The following CCDC144A variants were observed in gnomAD, a reference collection of about 807,000 sequenced individuals.
CCDC144A encodes coiled-coil domain containing 144A, also known as coiled-coil domain-containing protein 144A.
In CCDC144A, 41 loss-of-function variants were observed where a neutral mutation model predicts 143.8. That is an observed-to-expected ratio of 0.29 (90% CI 0.22 to 0.37). The LOEUF is 0.37. CCDC144A is among the 10% of genes least tolerant of loss of function. The pLI is 1.00. For missense variants in CCDC144A, 637 were observed against 1,488.8 expected (o/e 0.43, Z 9.41); for synonymous variants, 242 against 517.9 (o/e 0.47, Z 7.23).
At chr17:16,746,369 T>C (rs1914519241) in intron 12 of CCDC144A, 1 of 1,326,182 alleles carries the variant, frequency 7.5e-7, no homozygotes, top group Non-Finnish European at 1.1e-6. Flanking sequence ...TCGCTTCTCT[T>C]CTCGAATTCT....
intron 2 of CCDC144A, among the ~76,000 whole-genome samples, chr17:16,704,489 A>G (rs548846287): frequency 6.6e-6 from 1 of 152,032 alleles, no homozygotes; most frequent in South Asian, 2.1e-4. Context: ...CATCCCAACA[A>G]TTTTGTTTAT....
intron 13 of CCDC144A, 150 bp from the exon 14 acceptor site, chr17:16,762,163 T>C: frequency 8.0e-7 from 1 of 1,247,212 alleles, no homozygotes; most frequent in Non-Finnish European, 1.1e-6. Flanking sequence ...TGAGCTTCTT[T>C]CTTTCTTCAC....
chr17:16,742,949 C>G (rs899905478), intron 12 of CCDC144A, among the ~76,000 whole-genome samples: 5 of 152,004 alleles, frequency 3.3e-5, no homozygotes, highest in East Asian at 1.9e-4. Flanking sequence ...GAGTTCCTGG[C>G]ATATTCTAGA....
At chr17:16,725,709 T>C (rs1045706600) in intron 8 of CCDC144A, among the ~76,000 whole-genome samples, 1 of 146,664 alleles carries the variant, frequency 6.8e-6, no homozygotes. Context: ...CGCCAAAATC[T>C]CAGAAACCAC....
At chr17:16,753,459 A>G (rs1260635630) in intron 12 of CCDC144A, among the ~76,000 whole-genome samples, 2 of 30,712 alleles carry the variant, frequency 6.5e-5, no homozygotes, top group East Asian at 2.6e-3. Context: ...TTTTTTTTGT[A>G]AAGCTCTTTA....
intron 2 of CCDC144A, among the ~76,000 whole-genome samples, chr17:16,704,305 AT>A (rs1299612647): frequency 3.9e-5 from 6 of 152,078 alleles, no homozygotes; most frequent in Non-Finnish European, 7.4e-5. Flanking sequence ...ATAAAAAAAA[AT>A]TAGCCGGGCG....
the CCDC144A span, among the ~76,000 whole-genome samples, chr17:16,676,831 T>C: frequency 6.6e-6 from 1 of 152,126 alleles, no homozygotes; most frequent in Non-Finnish European, 1.5e-5. Flanking sequence ...GTGATTATTT[T>C]ATATAATCGA....
chr17:16,689,701 C>T (rs1910927968), upstream of CCDC144A: 1 of 152,462 alleles, frequency 6.6e-6, no homozygotes, highest in Non-Finnish European at 1.5e-5. Context: ...CAGAGCTGGT[C>T]CCTGGCTCCA....
intron 4 of CCDC144A, among the ~76,000 whole-genome samples, chr17:16,707,752 C>T (rs1374319662): frequency 6.6e-6 from 1 of 152,082 alleles, no homozygotes; most frequent in African/African-American, 2.4e-5. Flanking sequence ...TTAATCTTTA[C>T]CCTTGGAGTA....
chr17:16,678,462 G>A, the CCDC144A span, among the ~76,000 whole-genome samples: 17 of 152,074 alleles, frequency 1.1e-4, no homozygotes, highest in African/African-American at 4.1e-4. Context: ...ACAAGTCCCT[G>A]AGTTGTTTTT....
the CCDC144A span, chr17:16,684,095 A>T: frequency 9.9e-7 from 1 of 1,010,392 alleles, no homozygotes; most frequent in Non-Finnish European, 1.6e-6. Flanking sequence ...CAGTATGTTT[A>T]CGATAAATGG....
At position 16,722,659 on chromosome 17, in the gene CCDC144A, C is replaced by T. The variant is rs2266408; in HGVS notation, c.1891+2001C>T. ...ATTTCAGAGCTTTAAAACTCCTTTG[C>T]GCTTCATCTGTTCATCTTTTCCCAC... On this transcript the variant is annotated intron_variant, in intron 8 of 16. Transcript: ENST00000399273. Among the ~76,000 whole-genome samples the T allele has an allele frequency of 4.6e-5, 7 of 152,268 alleles. No individual in the cohort carries two copies. The South Asian group carries it at 6.2e-4, about 14-fold the overall frequency.
intron 11 of CCDC144A, 55 bp from the exon 12 acceptor site, chr17:16,734,635 A>G: frequency 1.4e-6 from 2 of 1,436,278 alleles, no homozygotes; most frequent in Non-Finnish European, 1.8e-6. Flanking sequence ...ATTTCAGAGA[A>G]AATCATAATC....
chr17:16,689,060 AATGCT>A (rs1335236908), upstream of CCDC144A, among the ~76,000 whole-genome samples: 5 of 152,066 alleles, frequency 3.3e-5, no homozygotes, highest in Non-Finnish European at 7.4e-5. Context: ...TGTTTTTCAT[AATGCT>A]ATCTGTCTTA....
chr17:16,751,289 T>C (rs1280576469), intron 12 of CCDC144A, among the ~76,000 whole-genome samples: 4 of 152,152 alleles, frequency 2.6e-5, no homozygotes, highest in Non-Finnish European at 4.4e-5. Context: ...TGGTTTCAGA[T>C]GGCCAGGACT....
At chr17:16,745,036 T>C (rs1847577) in intron 12 of CCDC144A, among the ~76,000 whole-genome samples, 42,241 of 151,454 alleles carry the variant, frequency 0.28, 6,740 homozygotes, top group African/African-American at 0.44. Context: ...CATTTTTATC[T>C]GGTCAGTGGC....
intron 2 of CCDC144A, among the ~76,000 whole-genome samples, chr17:16,696,721 G>T (rs1228011399): frequency 2.0e-5 from 3 of 151,898 alleles, no homozygotes; most frequent in Admixed American, 6.6e-5. Flanking sequence ...CAGGTGGAAT[G>T]CTTTGGGCTA....
At chr17:16,745,279 C>T (rs970124973) in intron 12 of CCDC144A, among the ~76,000 whole-genome samples, 1 of 150,652 alleles carries the variant, frequency 6.6e-6, no homozygotes, top group African/African-American at 2.5e-5. Flanking sequence ...AAGTGGATGT[C>T]GTTCTCACAG....
In CCDC144A at chr17:16,711,136, G is replaced by GAAAAAAAAAAAAAAA. The variant is rs1210697273; in HGVS notation, c.1579-535_1579-521dup. On this transcript the variant is annotated intron_variant, in intron 5 of 16. Coordinates refer to ENST00000399273, the MANE Select transcript of CCDC144A (RefSeq NM_001382000.1). ...CTTTTTGATATCCCAGGATTCAAAT[G>GAAAAAAAAAAAAAAA]AAAAAAAAAAAAAAAAAAAAAACAA... Among the ~76,000 whole-genome samples, 64 of 21,762 alleles carry GAAAAAAAAAAAAAAA rather than the reference G, an allele frequency of 2.9e-3. 1 individual carries two copies. The highest frequency in any genetic ancestry group is 3.6e-3 in the Non-Finnish European group (42 of 11,568). The allele number at this position is 21,762 out of a possible 152,430, so 14.3% of individuals were successfully genotyped here.
Sources: allele counts gnomAD v4.1 joint callset (sites outside exome capture counted in the v4.1 genomes callset), GRCh38; gene constraint gnomAD v4.1.1; transcripts MANE v1.5; gene names NCBI Gene and HGNC (gene_info 2026-07-23, HGNC 2026-07-21).